Variants in SIGLEC1 observed in about 807,000 individuals in gnomAD.
SIGLEC1 encodes sialoadhesin.
SIGLEC1 carries 132 observed loss-of-function variants against 148.0 expected under a neutral mutation model. The ratio of observed to expected loss-of-function variants is 0.89; its 90% CI spans 0.77 to 1.03. SIGLEC1 has a LOEUF of 1.03. Ranked by LOEUF, SIGLEC1 falls within the 50% of genes least tolerant of loss-of-function variation. SIGLEC1 has a pLI of 0.00. For missense variants in SIGLEC1, 2,253 were observed against 2,271.4 expected (o/e 0.99, Z 0.16); for synonymous variants, 945 against 969.0 (o/e 0.98, Z 0.46).
Position 3,693,624 on chromosome 20 carries a change from T to C in SIGLEC1, c.3331A>G (p.Thr1111Ala). 1.2e-6 allele frequency: 2 copies of C among 1,612,556 alleles called. No homozygotes were observed. The highest frequency in any genetic ancestry group is 1.7e-6 in the Non-Finnish European group (2 of 1,179,576). ...QLVNLTCLVWTTHPAQLTYTW... is the reference protein window; with the variant it reads ...QLVNLTCLVWATHPAQLTYTW... ...TAGGTGAGCTGGGCCGGGTGAGTGG[T>C]CCACACAAGGCAGGTCAGGTTCACC... is the stretch of plus-strand genomic sequence containing the variant. The change falls in exon 14 of 22, where the codon ACC becomes GCC. Residue 1111 changes from threonine to alanine, a missense_variant. By Grantham distance (58) the Thr-to-Ala change is moderately conservative. Coordinates refer to ENST00000344754, the MANE Select transcript of SIGLEC1 (RefSeq NM_023068.4).
rs114995217 is a variant in SIGLEC1 at position 3,692,660 on chromosome 20, G to A, written c.3891C>T (p.Asn1297=). Residue 1297 remains asparagine, a synonymous_variant, in exon 16 of 22, where the codon AAC becomes AAT. Coordinates refer to ENST00000344754, the MANE Select transcript of SIGLEC1 (RefSeq NM_023068.4). ...CTGGACCCTCCTGCAGCCAACGACC[G>A]TTGTGGTACCAAGTATAGAGTGTGG... The part of the protein sequence containing the change: ...HAPTLYTWYH[N]GRWLQEGPAA... 5.4e-4 allele frequency: 872 copies of A among 1,613,114 alleles called. 4 individuals carry two copies. The African/African-American group carries it at 9.8e-3, about 18-fold the overall frequency.
Position 3,695,160 on chromosome 20 carries a change from T to C in SIGLEC1, c.2684-237A>G, listed in dbSNP as rs73893074. ...CCACCACCTGGTGGGATGGTTTTACTGTGTCAGTCATATCTCGCCTACCAA... is the reference window on the plus strand; with the variant it reads ...CCACCACCTGGTGGGATGGTTTTACCGTGTCAGTCATATCTCGCCTACCAA... On this transcript the variant is annotated intron_variant, in intron 11 of 21. Transcript: ENST00000344754. Among the ~76,000 whole-genome samples the C allele has an allele frequency of 3.6e-3, 556 of 152,350 alleles. 5 individuals are homozygous for C. Among genetic ancestry groups the C allele is most frequent in the African/African-American group, 0.012 (500 of 41,582 alleles).
chr20:3,693,046 G>T lies in SIGLEC1; in HGVS notation c.3594C>A (p.Arg1198=). ...GGCTGAGGGCCAGCTGGGCGGGCGGGCGGCTGTCCACAGTGCACAGTACCA... is the reference window on the plus strand; with the variant it reads ...GGCTGAGGGCCAGCTGGGCGGGCGGTCGGCTGTCCACAGTGCACAGTACCA... The part of the protein sequence containing the change: ...LALVLCTVDS[R]PPAQLALSHA... Residue 1198 remains arginine, a synonymous_variant, in exon 15 of 22, where the codon CGC becomes CGA. Transcript: ENST00000344754. 1 of 1,609,318 alleles carries T rather than the reference G, an allele frequency of 6.2e-7. No individual in the cohort carries two copies. The highest frequency in any genetic ancestry group is 8.5e-7 in the Non-Finnish European group (1 of 1,179,372).
In SIGLEC1 at chr20:3,696,800, G is replaced by A. The variant is rs2087804820; in HGVS notation, c.2469C>T (p.Pro823=). 1 of 1,611,744 alleles carries A rather than the reference G, an allele frequency of 6.2e-7. No homozygotes were observed. Among genetic ancestry groups the A allele is most frequent in the Non-Finnish European group, 8.5e-7 (1 of 1,179,110 alleles). ...ALFICTVDSR[P]LALLALFHGE... Reference sequence around the variant, plus strand: ...CATGGAACAAGGCCAGCAAGGCCAGGGGGCGGCTGTCCACAGTGCAGATGA... The same window carrying A: ...CATGGAACAAGGCCAGCAAGGCCAGAGGGCGGCTGTCCACAGTGCAGATGA... The change falls in exon 11 of 22, where the codon CCC becomes CCT. Residue 823 remains proline (P), a synonymous_variant. Coordinates refer to ENST00000344754, the MANE Select transcript of SIGLEC1 (RefSeq NM_023068.4).
chr20:3,687,659 G>T lies in SIGLEC1; in HGVS notation c.*901C>A, dbSNP rs989173377. Reference sequence around the variant, plus strand: ...AAGCCCACAACCAGAATGGCCAGGGGCACACCCTGGCCCTCAGTAGATGGG... The same window carrying T: ...AAGCCCACAACCAGAATGGCCAGGGTCACACCCTGGCCCTCAGTAGATGGG... On this transcript the variant is annotated 3_prime_UTR_variant, in exon 22 of 22. Coordinates refer to ENST00000344754, the MANE Select transcript of SIGLEC1 (RefSeq NM_023068.4). 16 of 152,242 alleles carry T rather than the reference G, an allele frequency of 1.1e-4. No individual in the cohort carries two copies. The highest frequency in any genetic ancestry group is 3.6e-4 in the African/African-American group (15 of 41,452). 9.4% of individuals were successfully genotyped at this position (152,242 alleles called of 1,614,324 possible). A position where few individuals can be genotyped will look rare whatever the true frequency, so the allele number is the denominator to read the frequency against.
intron 1 of SIGLEC1, among the ~76,000 whole-genome samples, chr20:3,708,971 G>A (rs2087913925): frequency 6.6e-6 from 1 of 150,924 alleles, no homozygotes; most frequent in Non-Finnish European, 1.5e-5. Flanking sequence ...CCTGAACCCA[G>A]GAGGCGGAGG....
At position 3,695,819 on chromosome 20, in the gene SIGLEC1, A is replaced by AT. The variant is rs10555867; in HGVS notation, c.2683+766dup. Among the ~76,000 whole-genome samples, 171 of 149,860 alleles carry AT rather than the reference A, an allele frequency of 1.1e-3. 3 individuals are homozygous for AT. Among genetic ancestry groups the AT allele is most frequent in the African/African-American group, 3.5e-3 (144 of 40,694 alleles). The stretch of plus-strand genomic sequence containing the variant: ...TTCCTGGTTTATTTGTTTAGGGAGA[A>AT]TTTTTTTTTTTTTAAGACAGAGTCT... On this transcript the variant is annotated intron_variant, in intron 11 of 21. Transcript: ENST00000344754.
chr20:3,710,043 A>C lies in SIGLEC1; in HGVS notation c.-110+2427T>G, dbSNP rs370075106. ...ACACTTAAAGACAGTTAAAACAGTA[A>C]ATTTTACATTATGTATATTTCACCA... On this transcript the variant is annotated intron_variant, in intron 1 of 21. Coordinates refer to ENST00000344754, the MANE Select transcript of SIGLEC1 (RefSeq NM_023068.4). This position sits in a 1 kb window ranked among gnomAD's most constrained non-coding sequence, Gnocchi z 4.6. 6.6e-6 allele frequency among the ~76,000 whole-genome samples: 1 copy of C among 152,206 alleles called. No individual in the cohort carries two copies. Among genetic ancestry groups the C allele is most frequent in the Non-Finnish European group, 1.5e-5 (1 of 68,036 alleles).
At chr20:3,692,245 C>G in intron 16 of SIGLEC1, 43 bp from the exon 17 acceptor site, 3 of 1,496,396 alleles carry the variant, frequency 2.0e-6, no homozygotes, top group Non-Finnish European at 1.8e-6. Context: ...GCTTAGGCAC[C>G]CTGTACTGCT....
rs376357466 is a variant in SIGLEC1 at position 3,697,788 on chromosome 20, C to A, written c.2122+10G>T. On this transcript the variant is annotated intron_variant, in intron 9 of 21. Coordinates refer to ENST00000344754, the MANE Select transcript of SIGLEC1 (RefSeq NM_023068.4). ...CTGCCCCCAGGCCACCCATTCCCTGCCTGACTCACCCTGGCCATTGAAGGT... is the reference window on the plus strand; with the variant it reads ...CTGCCCCCAGGCCACCCATTCCCTGACTGACTCACCCTGGCCATTGAAGGT... The A allele has an allele frequency of 9.3e-6, 15 of 1,611,816 alleles. No homozygotes were observed. In the African/African-American group the frequency reaches 1.6e-4, roughly 17 times the overall value.
intron 11 of SIGLEC1, 85 bp from the exon 12 acceptor site, chr20:3,695,008 C>T (rs570342039): frequency 2.7e-5 from 37 of 1,391,950 alleles, no homozygotes; most frequent in African/African-American, 2.6e-4. Context: ...CCTAGGACTA[C>T]ACAACCCAAC....
At chr20:3,699,726 T>C (rs146805596) in intron 7 of SIGLEC1, among the ~76,000 whole-genome samples, 2,315 of 152,248 alleles carry the variant, frequency 0.015, 61 homozygotes, top group African/African-American at 0.053. Flanking sequence ...CCTGTAATCT[T>C]AGCACTTTGG....
intron 1 of SIGLEC1, among the ~76,000 whole-genome samples, chr20:3,711,979 T>C (rs2087931158): frequency 6.7e-6 from 1 of 148,518 alleles, no homozygotes; most frequent in South Asian, 2.2e-4. Flanking sequence ...GGGATTGGGG[T>C]GGACATTGAG....
In SIGLEC1 at chr20:3,691,363, G is replaced by A. The variant is rs2088759804; in HGVS notation, c.4568C>T (p.Ala1523Val). 2 of 1,613,490 alleles carry A rather than the reference G, an allele frequency of 1.2e-6. No individual in the cohort carries two copies. The highest frequency in any genetic ancestry group is 1.7e-5 in the Admixed American group (1 of 60,032). The change falls in exon 18 of 22, where the codon GCT (alanine) becomes GTT (valine). Residue 1523 changes from alanine (A) to valine (V), a missense_variant. Coordinates refer to ENST00000344754, the MANE Select transcript of SIGLEC1 (RefSeq NM_023068.4). ...AELPTGAAASAPVMLRVLYPP... is the reference protein window; with the variant it reads ...AELPTGAAASVPVMLRVLYPP... ...ACAGAGCACACGGAGCATGACTGGA[G>A]CAGAGGCAGCAGCCCCAGTGGGGAG...
At position 3,699,299 on chromosome 20, in the gene SIGLEC1, G is replaced by C. The variant is rs780451428; in HGVS notation, c.1689C>G (p.Pro563=). The C allele has an allele frequency of 6.2e-7, 1 of 1,608,506 alleles. No homozygotes were observed. The highest frequency in any genetic ancestry group is 1.1e-5 in the South Asian group (1 of 89,896). Residue 563 remains proline, a synonymous_variant, in exon 8 of 22, where the codon CCC becomes CCG. Transcript: ENST00000344754. ...HEGPGSSLLL[P]AASSTDAGSY... is the part of the protein sequence containing the mutation. ...AGCCGGCGTCAGTGCTGGAGGCCGC[G>C]GGGAGCAGGAGGCTGCTGCCGGGAC...
At chr20:3,708,862 A>G (rs892816193) in intron 1 of SIGLEC1, among the ~76,000 whole-genome samples, 1 of 152,128 alleles carries the variant, frequency 6.6e-6, no homozygotes, top group African/African-American at 2.4e-5. Context: ...CCTGGCCAAC[A>G]TGGTGAAACC....
intron 20 of SIGLEC1, 99 bp from the exon 21 acceptor site, chr20:3,689,326 C>T (rs370735583): frequency 1.4e-5 from 15 of 1,054,130 alleles, no homozygotes; most frequent in South Asian, 6.4e-5. Context: ...ACCACAAGAG[C>T]GTGGGAACCT....
intron 9 of SIGLEC1, 142 bp from the exon 10 acceptor site, chr20:3,697,484 C>A (rs889922211): frequency 4.8e-6 from 5 of 1,050,262 alleles, no homozygotes; most frequent in Non-Finnish European, 6.9e-6. Context: ...GCTCACAGGG[C>A]AGCCTAGGAG....
rs1323435809 is a variant in SIGLEC1 at position 3,705,847 on chromosome 20, G to A, written c.603C>T (p.Thr201=). ...FEPTGVGHLE[T]LHMAMSWQDH... ...CCTGCCAGGACATGGCCATGTGGAG[G>A]GTCTCCAGGTGGCCGACGCCGGTGG... Residue 201 remains threonine (T), a synonymous_variant, in exon 4 of 22, where the codon ACC becomes ACT. Coordinates refer to ENST00000344754, the MANE Select transcript of SIGLEC1 (RefSeq NM_023068.4). The A allele has an allele frequency of 6.2e-7, 1 of 1,614,120 alleles. No homozygotes were observed. The highest frequency in any genetic ancestry group is 8.5e-7 in the Non-Finnish European group (1 of 1,180,042).
Sources: gnomAD v4.1 joint callset for allele counts (sites outside exome capture counted in the v4.1 genomes callset) on GRCh38, gnomAD v4.1.1 for gene constraint, Gnocchi (gnomAD v3.1) non-coding constraint, MANE v1.5 for transcripts, NCBI Gene and HGNC (gene_info 2026-07-23, HGNC 2026-07-21) for gene names.